CBFA2T2: variants seen among roughly 807,000 people sequenced by gnomAD.
CBFA2T2 encodes the protein CBFA2/RUNX1 partner transcriptional co-repressor 2.
Under a neutral mutation model 62.2 loss-of-function variants are expected in CBFA2T2, and 11 were observed. That is an observed-to-expected ratio of 0.18 (90% confidence interval 0.11 to 0.29). The LOEUF (loss-of-function observed/expected upper bound fraction) is 0.29. Among genes scored for constraint, CBFA2T2 ranks in the 10% least tolerant of loss-of-function variants. CBFA2T2 has a pLI of 1.00. For missense variants in CBFA2T2, 592 were observed against 774.1 expected (o/e 0.76, Z 2.79); for synonymous variants, 295 against 287.5 (o/e 1.03, Z -0.27).
chr20:33,600,928 A>G (rs370205842), intron 1 of CBFA2T2, among the ~76,000 whole-genome samples: 2 of 152,158 alleles, frequency 1.3e-5, no homozygotes, highest in East Asian at 3.9e-4. Context: ...TAAATGAACT[A>G]TGGTACCTCC....
At chr20:33,521,823 CGTGTGT>C (rs111558647) in intron 1 of CBFA2T2, among the ~76,000 whole-genome samples, 7 of 148,466 alleles carry the variant, frequency 4.7e-5, no homozygotes, top group East Asian at 3.9e-4. Context: ...ATTTGAGCTG[CGTGTGT>C]GTGTGTGTGT....
intron 1 of CBFA2T2, among the ~76,000 whole-genome samples, chr20:33,498,265 A>G (rs1206386322): frequency 3.2e-5 from 4 of 125,650 alleles, no homozygotes; most frequent in Admixed American, 8.4e-5. Context: ...TTTTTTTTTG[A>G]GATGGAGTTT....
rs371396984 is a variant in CBFA2T2, at chr20:33,643,582, C to T, written c.1489-765C>T. On this transcript the variant is annotated intron_variant, in intron 10 of 10. Coordinates refer to ENST00000342704, the MANE Select transcript of CBFA2T2 (RefSeq NM_001032999.3). ...AGAAAAAACAAAACAGCAGCAGCAG[C>T]CTTCGTTGAGTCAGATTATCAGTAA... Among the ~76,000 whole-genome samples, 19 of 151,094 alleles carry T rather than the reference C, an allele frequency of 1.3e-4. 1 individual carries two copies. In the East Asian group the frequency reaches 1.6e-3, roughly 12 times the overall value.
rs1018322981 is a variant in CBFA2T2 at position 33,628,272 on chromosome 20, G to A, written c.947-78G>A. The A allele has an allele frequency of 1.3e-5, 12 of 908,200 alleles. No homozygotes were observed. In the African/African-American group the frequency reaches 1.8e-4, roughly 14 times the overall value. The allele number at this position is 908,200 out of a possible 1,614,324, so 56.3% of individuals were successfully genotyped here. On this transcript the variant is annotated intron_variant, in intron 6 of 10. Transcript: ENST00000342704. ...GTGTGATCAAAGTTATTATGAATAT[G>A]TGTGTATTTACTTGGTAGAATTTGC...
chr20:33,526,237 C>G (rs1022423885), intron 1 of CBFA2T2, among the ~76,000 whole-genome samples: 28 of 152,114 alleles, frequency 1.8e-4, no homozygotes, highest in Admixed American at 1.8e-3. Context: ...ATCTGTGTAA[C>G]CCAAAACTAC....
At chr20:33,528,617 C>T (rs1004334760) in intron 1 of CBFA2T2, among the ~76,000 whole-genome samples, 9 of 152,142 alleles carry the variant, frequency 5.9e-5, no homozygotes, top group African/African-American at 1.7e-4. Context: ...CTTACATGCC[C>T]TTTTAAGCTG....
intron 1 of CBFA2T2, among the ~76,000 whole-genome samples, chr20:33,548,453 A>G (rs1340985844): frequency 6.6e-6 from 1 of 151,510 alleles, no homozygotes; most frequent in Non-Finnish European, 1.5e-5. Context: ...CATGTTGGCC[A>G]GGCTGGTCTC....
intron 1 of CBFA2T2, among the ~76,000 whole-genome samples, chr20:33,546,924 G>A (rs973528089): frequency 3.3e-5 from 5 of 152,178 alleles, no homozygotes; most frequent in Non-Finnish European, 4.4e-5. Context: ...TACTGTGCCA[G>A]GCTCAGTGGC....
intron 1 of CBFA2T2, among the ~76,000 whole-genome samples, chr20:33,492,584 G>A (rs2011156060): frequency 6.6e-6 from 1 of 151,800 alleles, no homozygotes; most frequent in South Asian, 2.1e-4. Flanking sequence ...GCGTCATCAT[G>A]GCCCACAGCA....
chr20:33,492,652 C>T (rs1004287615), intron 1 of CBFA2T2, among the ~76,000 whole-genome samples: 23 of 151,380 alleles, frequency 1.5e-4, no homozygotes, highest in African/African-American at 5.6e-4. Flanking sequence ...GTAGCTGGGA[C>T]TCCAGGCGCC....
chr20:33,528,930 G>C (rs763081443), intron 1 of CBFA2T2, among the ~76,000 whole-genome samples: 2 of 152,176 alleles, frequency 1.3e-5, no homozygotes, highest in Non-Finnish European at 2.9e-5. Context: ...TTTTGGGCTC[G>C]TGATGCCACC....
chr20:33,642,003 T>C (rs1447215039), intron 10 of CBFA2T2, among the ~76,000 whole-genome samples: 1 of 152,126 alleles, frequency 6.6e-6, no homozygotes, highest in African/African-American at 2.4e-5. Flanking sequence ...ACAGAGGATG[T>C]GGTGAAATTC....
intron 1 of CBFA2T2, among the ~76,000 whole-genome samples, chr20:33,540,793 G>C (rs955172625): frequency 2.0e-5 from 3 of 152,144 alleles, no homozygotes; most frequent in Non-Finnish European, 4.4e-5. Context: ...CGTATATAAA[G>C]TATGTTAATA....
chr20:33,541,366 C>A (rs2012405899), intron 1 of CBFA2T2, among the ~76,000 whole-genome samples: 1 of 152,190 alleles, frequency 6.6e-6, no homozygotes, highest in African/African-American at 2.4e-5. Context: ...ATATACCCGC[C>A]CATCTCCATT....
At chr20:33,509,613 A>G (rs2011473208) in intron 1 of CBFA2T2, among the ~76,000 whole-genome samples, 1 of 152,020 alleles carries the variant, frequency 6.6e-6, no homozygotes. Context: ...GGATCATTTG[A>G]GGTCAGGAGT....
rs141594632 is a variant in CBFA2T2 at position 33,631,980 on chromosome 20, C to T, written c.1228+2066C>T. 4.1e-4 allele frequency among the ~76,000 whole-genome samples: 63 copies of T among 152,260 alleles called. No homozygotes were observed. In the East Asian group the frequency reaches 0.012, roughly 28 times the overall value. On this transcript the variant is annotated intron_variant, in intron 8 of 10. Coordinates refer to ENST00000342704, the MANE Select transcript of CBFA2T2 (RefSeq NM_001032999.3). Reference sequence around the variant, plus strand: ...GCCACTGGTCTGATTACATGAGGAGCTTGGGCACGGTTGGCTTCATCAAGA... The same window carrying T: ...GCCACTGGTCTGATTACATGAGGAGTTTGGGCACGGTTGGCTTCATCAAGA...
At chr20:33,519,396 G>T (rs1386664290) in intron 1 of CBFA2T2, among the ~76,000 whole-genome samples, 2 of 152,180 alleles carry the variant, frequency 1.3e-5, no homozygotes, top group African/African-American at 4.8e-5. Flanking sequence ...CTTGAACCCG[G>T]GAGGTGGTGG....
chr20:33,560,741 C>CTA lies in CBFA2T2; in HGVS notation c.35-46201_35-46200dup, dbSNP rs137879338. 7.4e-3 allele frequency among the ~76,000 whole-genome samples: 1,116 copies of CTA among 150,114 alleles called. 5 individuals carry two copies. The highest frequency in any genetic ancestry group is 0.017 in the Middle Eastern group (5 of 290). On this transcript the variant is annotated intron_variant, in intron 1 of 10. Coordinates refer to ENST00000342704, the MANE Select transcript of CBFA2T2 (RefSeq NM_001032999.3). ...GAGAATTATAACCACACCTGTTTGA[C>CTA]TATATATATATATATGCAGGGGATC... is the stretch of plus-strand genomic sequence containing the variant.
intron 1 of CBFA2T2, among the ~76,000 whole-genome samples, chr20:33,493,903 G>A (rs1253130481): frequency 1.3e-5 from 2 of 151,748 alleles, no homozygotes; most frequent in Non-Finnish European, 2.9e-5. Context: ...TTTTTTTTGA[G>A]ACGAAGTTTT....
Sources: gnomAD v4.1 joint callset for allele counts (sites outside exome capture counted in the v4.1 genomes callset) on GRCh38, gnomAD v4.1.1 for gene constraint, MANE v1.5 for transcripts, NCBI Gene and HGNC (gene_info 2026-07-23, HGNC 2026-07-21) for gene names.